USH2A: variants seen among roughly 807,000 people sequenced by gnomAD.
USH2A encodes Usher syndrome 2A (autosomal recessive, mild).
A neutral mutation model predicts 538.9 loss-of-function variants in USH2A; 443 were observed. The observed-to-expected ratio is 0.82, with a 90% confidence interval of 0.76 to 0.89. USH2A has a LOEUF of 0.89. Ranked by LOEUF, USH2A falls within the 40% of genes least tolerant of loss-of-function variation. The pLI is 0.00. For synonymous variants in USH2A, 2,413 were observed against 2,273.5 expected (o/e 1.06, Z -1.75); for missense variants, 6,633 against 6,324.8 (o/e 1.05, Z -1.65).
intron 55 of USH2A, among the ~76,000 whole-genome samples, chr1:215,771,540 A>T (rs1464255607): frequency 1.6e-5 from 2 of 128,720 alleles, no homozygotes; most frequent in Admixed American, 1.8e-4. Flanking sequence ...AGATCCCGCC[A>T]CTGCACTCCA....
chr1:216,174,974 C>T, intron 21 of USH2A: 1 of 1,257,730 alleles, frequency 8.0e-7, no homozygotes, highest in Non-Finnish European at 1.0e-6. Flanking sequence ...CTGGCACATA[C>T]TTCACAAAAA....
intron 3 of USH2A, among the ~76,000 whole-genome samples, chr1:216,412,252 T>C (rs1284628754): frequency 6.6e-6 from 1 of 152,128 alleles, no homozygotes; most frequent in Non-Finnish European, 1.5e-5. Flanking sequence ...ATTAAAGCCT[T>C]GCCTTCTGCT....
intron 3 of USH2A, among the ~76,000 whole-genome samples, chr1:216,413,232 A>G (rs1315870058): frequency 2.0e-5 from 3 of 152,016 alleles, no homozygotes; most frequent in Non-Finnish European, 4.4e-5. Flanking sequence ...AGCTAAATGC[A>G]ATGATATATT....
At chr1:216,062,585 T>C (rs567617885) in intron 30 of USH2A, among the ~76,000 whole-genome samples, 1 of 152,326 alleles carries the variant, frequency 6.6e-6, no homozygotes, top group African/African-American at 2.4e-5. Context: ...TTAATCTTTA[T>C]AGCAGTTCCA....
chr1:215,644,469 C>T (rs190416283), intron 67 of USH2A, among the ~76,000 whole-genome samples: 9 of 152,052 alleles, frequency 5.9e-5, no homozygotes, highest in Admixed American at 1.3e-4. Context: ...AGTAGAGAAA[C>T]GGCAAGGGGA....
chr1:215,760,314 C>A (rs949566265), intron 56 of USH2A, among the ~76,000 whole-genome samples: 4 of 152,086 alleles, frequency 2.6e-5, no homozygotes, highest in Admixed American at 2.6e-4. Context: ...GATCTCTTCC[C>A]CTCCTGGACC....
chr1:216,044,948 CA>C (rs1288531927), intron 32 of USH2A, among the ~76,000 whole-genome samples: 4 of 151,870 alleles, frequency 2.6e-5, no homozygotes, highest in African/African-American at 7.3e-5. Flanking sequence ...AGAGGGGGGC[CA>C]AAAAAATGTA....
chr1:216,360,487 C>T (rs575360221), intron 4 of USH2A, among the ~76,000 whole-genome samples: 6 of 152,068 alleles, frequency 3.9e-5, no homozygotes, highest in South Asian at 4.1e-4. Context: ...GGATACTTGT[C>T]GTTGTACAAC....
chr1:216,113,989 CTTTT>C (rs1348466379), intron 21 of USH2A, among the ~76,000 whole-genome samples: 2 of 151,434 alleles, frequency 1.3e-5, no homozygotes, highest in African/African-American at 4.8e-5. Flanking sequence ...TACAAAATTG[CTTTT>C]TTTAGTAAAT....
At chr1:215,780,063 A>G (rs1326574020) in intron 54 of USH2A, 22 bp from the exon 55 acceptor site, 1 of 1,613,624 alleles carries the variant, frequency 6.2e-7, no homozygotes, top group South Asian at 1.1e-5. Context: ...GGAATTAAGC[A>G]GCAATTTATT....
At chr1:216,104,018 C>A (rs965906603) in intron 21 of USH2A, among the ~76,000 whole-genome samples, 1 of 151,960 alleles carries the variant, frequency 6.6e-6, no homozygotes, top group African/African-American at 2.4e-5. Flanking sequence ...TATACCTAGC[C>A]GAATCCAGTC....
intron 11 of USH2A, among the ~76,000 whole-genome samples, chr1:216,282,619 G>C (rs1180571820): frequency 6.6e-6 from 1 of 152,104 alleles, no homozygotes; most frequent in East Asian, 1.9e-4. Context: ...GTACCATGCT[G>C]TCTTGATTAT....
chr1:215,856,565 T>A (rs1224704853), intron 44 of USH2A, among the ~76,000 whole-genome samples: 1 of 152,172 alleles, frequency 6.6e-6, no homozygotes, highest in Non-Finnish European at 1.5e-5. Flanking sequence ...TTGGCATAGA[T>A]GTGATACAAA....
chr1:216,371,604 A>G (rs893542483), intron 3 of USH2A, among the ~76,000 whole-genome samples: 4 of 152,172 alleles, frequency 2.6e-5, no homozygotes, highest in African/African-American at 9.7e-5. Context: ...GTAGGCATTT[A>G]TATTTATCTA....
chr1:216,297,842 A>G (rs1443206969), intron 9 of USH2A, among the ~76,000 whole-genome samples: 1 of 152,122 alleles, frequency 6.6e-6, no homozygotes, highest in Non-Finnish European at 1.5e-5. Context: ...ATCAGACATA[A>G]CTATTACTTC....
At chr1:215,834,912 T>A (rs560629882) in intron 47 of USH2A, among the ~76,000 whole-genome samples, 1 of 152,086 alleles carries the variant, frequency 6.6e-6, no homozygotes, top group East Asian at 1.9e-4. Flanking sequence ...CATTGCATTT[T>A]CAGAGACATT....
intron 11 of USH2A, among the ~76,000 whole-genome samples, chr1:216,270,643 T>C (rs1332066046): frequency 2.0e-5 from 3 of 152,104 alleles, no homozygotes; most frequent in Non-Finnish European, 4.4e-5. Context: ...CTGAATGATA[T>C]CTACCAGTCT....
At chr1:215,709,831 C>G (rs896207110) in intron 61 of USH2A, among the ~76,000 whole-genome samples, 1 of 152,116 alleles carries the variant, frequency 6.6e-6, no homozygotes, top group South Asian at 2.1e-4. Flanking sequence ...GTATTGTGCA[C>G]TGGGGCTATT....
At chr1:215,685,610 G>T (rs1658400217) in intron 61 of USH2A, among the ~76,000 whole-genome samples, 1 of 151,980 alleles carries the variant, frequency 6.6e-6, no homozygotes, top group South Asian at 2.1e-4. Context: ...CACCCGCCAT[G>T]GCCTCCCAAA....
Sources: gnomAD v4.1 joint callset for allele counts (sites outside exome capture counted in the v4.1 genomes callset) on GRCh38, gnomAD v4.1.1 for gene constraint, MANE v1.5 for transcripts, NCBI Gene and HGNC (gene_info 2026-07-23, HGNC 2026-07-21) for gene names.